Variants in CCSER1 observed in about 807,000 individuals in gnomAD.
CCSER1 encodes the protein serine-rich coiled-coil domain-containing protein 1.
CCSER1 carries 41 observed loss-of-function variants against 82.0 expected under a neutral mutation model. That is an observed-to-expected ratio of 0.50 (90% confidence interval 0.39 to 0.65). The LOEUF is 0.65. Ranked by LOEUF, CCSER1 falls within the 30% of genes least tolerant of loss-of-function variation. The pLI is 0.00. For missense variants in CCSER1, 1,119 were observed against 1,064.2 expected (o/e 1.05, Z -0.72); for synonymous variants, 414 against 383.9 (o/e 1.08, Z -0.92).
At chr4:90,456,803 T>C (rs1762224966) in intron 4 of CCSER1, among the ~76,000 whole-genome samples, 2 of 152,166 alleles carry the variant, frequency 1.3e-5, no homozygotes, top group Admixed American at 6.5e-5. Flanking sequence ...AAGCAGCAAG[T>C]TTGCTTTTAC....
chr4:91,154,682 T>C (rs948289607), intron 10 of CCSER1, among the ~76,000 whole-genome samples: 2 of 152,036 alleles, frequency 1.3e-5, no homozygotes, highest in South Asian at 2.1e-4. Context: ...CCAGACATTC[T>C]TTTTAAAATG....
intron 5 of CCSER1, among the ~76,000 whole-genome samples, chr4:90,472,554 C>T (rs574180003): frequency 3.9e-5 from 6 of 152,178 alleles, no homozygotes; most frequent in South Asian, 4.2e-4. Context: ...ATTACAGTGG[C>T]GGAGGACCAG....
At chr4:90,191,478 G>A (rs1175545335) in intron 1 of CCSER1, among the ~76,000 whole-genome samples, 1 of 152,000 alleles carries the variant, frequency 6.6e-6, no homozygotes, top group African/African-American at 2.4e-5. Flanking sequence ...TTACCAAGAA[G>A]TGGAAAGGCT....
intron 10 of CCSER1, among the ~76,000 whole-genome samples, chr4:91,161,284 C>G (rs1731371456): frequency 6.6e-6 from 1 of 152,034 alleles, no homozygotes; most frequent in African/African-American, 2.4e-5. Context: ...GTACTAGTAC[C>G]CTGCTGTTTT....
chr4:90,373,335 C>A (rs1747770924), intron 3 of CCSER1, among the ~76,000 whole-genome samples: 1 of 151,978 alleles, frequency 6.6e-6, no homozygotes, highest in South Asian at 2.1e-4. Flanking sequence ...GCTTTATGGA[C>A]TAAAAAATCA....
intron 8 of CCSER1, among the ~76,000 whole-genome samples, chr4:90,847,765 A>C (rs897818136): frequency 6.6e-6 from 1 of 152,172 alleles, no homozygotes; most frequent in African/African-American, 2.4e-5. Context: ...GTGAGCATTC[A>C]GTGTTTCCAT....
intron 8 of CCSER1, among the ~76,000 whole-genome samples, chr4:90,899,651 T>C (rs1211579171): frequency 1.3e-5 from 2 of 152,114 alleles, no homozygotes; most frequent in African/African-American, 2.4e-5. Flanking sequence ...TGAGGGTTTT[T>C]ATCATGAAAG....
chr4:90,190,050 C>T (rs767238063), intron 1 of CCSER1, among the ~76,000 whole-genome samples: 4 of 151,938 alleles, frequency 2.6e-5, no homozygotes, highest in Admixed American at 6.6e-5. Context: ...ATTCTGATAG[C>T]GGCATGAGAC....
intron 10 of CCSER1, among the ~76,000 whole-genome samples, chr4:91,578,315 C>T (rs1176791401): frequency 6.6e-6 from 1 of 151,808 alleles, no homozygotes; most frequent in Non-Finnish European, 1.5e-5. Context: ...CAGTTTCTAA[C>T]ATATACTATT....
At chr4:91,016,191 T>C (rs1739415974) in intron 9 of CCSER1, among the ~76,000 whole-genome samples, 1 of 152,050 alleles carries the variant, frequency 6.6e-6, no homozygotes, top group African/African-American at 2.4e-5. Context: ...TGAATAGCTC[T>C]AAGTTTTATA....
chr4:91,477,209 ATAACT>A (rs1459905133), intron 10 of CCSER1, among the ~76,000 whole-genome samples: 1 of 151,814 alleles, frequency 6.6e-6, no homozygotes, highest in Non-Finnish European at 1.5e-5. Context: ...AGGAACTCAA[ATAACT>A]TAATAGTAAA....
intron 10 of CCSER1, among the ~76,000 whole-genome samples, chr4:91,137,412 T>G (rs1189080268): frequency 9.3e-4 from 61 of 65,662 alleles, no homozygotes; most frequent in African/African-American, 2.9e-3. Flanking sequence ...AGTCTATCAT[T>G]GTTGGACATT....
intron 9 of CCSER1, among the ~76,000 whole-genome samples, chr4:90,974,429 A>G (rs1735415281): frequency 6.6e-6 from 1 of 151,170 alleles, no homozygotes; most frequent in South Asian, 2.1e-4. Context: ...ATTACAACTC[A>G]ATAAAGCTGG....
At chr4:91,395,288 C>G (rs1340515272) in intron 10 of CCSER1, among the ~76,000 whole-genome samples, 1 of 152,064 alleles carries the variant, frequency 6.6e-6, no homozygotes, top group Admixed American at 6.6e-5. Flanking sequence ...CTGGAGGTCT[C>G]ACTTTGTAGT....
At chr4:91,273,327 G>A (rs1055878677) in intron 10 of CCSER1, among the ~76,000 whole-genome samples, 3 of 152,010 alleles carry the variant, frequency 2.0e-5, no homozygotes, top group South Asian at 4.1e-4. Context: ...TTGGTTAGGT[G>A]TAATCCTAAG....
intron 8 of CCSER1, among the ~76,000 whole-genome samples, chr4:90,901,504 T>C (rs1724650737): frequency 6.6e-6 from 1 of 152,112 alleles, no homozygotes; most frequent in Non-Finnish European, 1.5e-5. Flanking sequence ...TAGCATTTGT[T>C]TGTCTATGAA....
At chr4:90,228,160 T>C (rs909856462) in intron 1 of CCSER1, among the ~76,000 whole-genome samples, 1 of 132,122 alleles carries the variant, frequency 7.6e-6, no homozygotes, top group Non-Finnish European at 1.6e-5. Context: ...AGGCTCCACC[T>C]CTGGGGGCAG....
At chr4:91,496,805 T>TATATATATTCA (rs1553946367) in intron 10 of CCSER1, among the ~76,000 whole-genome samples, 12 of 89,112 alleles carry the variant, frequency 1.3e-4, no homozygotes, top group African/African-American at 4.9e-4. Flanking sequence ...TATTTGAATA[T>TATATATATTCA]ATATATATTC....
chr4:91,118,231 CCTT>C (rs1156327480), intron 10 of CCSER1, among the ~76,000 whole-genome samples: 3 of 151,342 alleles, frequency 2.0e-5, no homozygotes, highest in African/African-American at 4.9e-5. Flanking sequence ...CTCTTTTTCA[CCTT>C]CTTTGTGGTA....
Sources: allele counts gnomAD v4.1 joint callset (sites outside exome capture counted in the v4.1 genomes callset), GRCh38; gene constraint gnomAD v4.1.1; transcripts MANE v1.5; gene names NCBI Gene and HGNC (gene_info 2026-07-23, HGNC 2026-07-21).